SNTG2: variants seen among roughly 807,000 people sequenced by gnomAD.
SNTG2 encodes syntrophin gamma 2.
A neutral mutation model predicts 70.9 loss-of-function variants in SNTG2; 74 were observed. That is an observed-to-expected ratio of 1.04 (90% CI 0.86 to 1.27). The LOEUF is 1.27. Among genes scored for constraint, SNTG2 ranks in the 50% most tolerant of loss-of-function variants. SNTG2 has a pLI of 0.00. For synonymous variants in SNTG2, 278 were observed against 273.8 expected, an observed-to-expected ratio of 1.02 and a Z score of -0.15; for missense variants, 717 against 690.7, an observed-to-expected ratio of 1.04 and a Z score of -0.43.
intron 7 of SNTG2, among the ~76,000 whole-genome samples, chr2:1,169,785 C>T (rs1671002127): frequency 3.9e-5 from 6 of 152,166 alleles, no homozygotes; most frequent in African/African-American, 4.8e-5. Flanking sequence ...CCACCCCACA[C>T]GTCCTCGGGC....
chr2:1,295,618 T>C (rs1572936539), intron 14 of SNTG2, among the ~76,000 whole-genome samples: 1 of 152,118 alleles, frequency 6.6e-6, no homozygotes, highest in East Asian at 1.9e-4. Context: ...TGGCTTCCAC[T>C]GTAGAAGGCT....
chr2:1,134,040 C>T (rs1223876156), intron 4 of SNTG2, among the ~76,000 whole-genome samples: 3 of 151,894 alleles, frequency 2.0e-5, no homozygotes, highest in African/African-American at 4.8e-5. Context: ...AGCTGCAGAC[C>T]TTTGTGGTGA....
chr2:1,179,172 C>T lies in SNTG2; in HGVS notation c.591+5989C>T, dbSNP rs540072958. Among the ~76,000 whole-genome samples, 589 of 152,166 alleles carry T rather than the reference C, an allele frequency of 3.9e-3. 8 individuals carry two copies. The highest frequency in any genetic ancestry group is 3.0e-3 in the Non-Finnish European group (207 of 68,022). Reference sequence around the variant, plus strand: ...ATATCCCTTTTATCATTTTTTATTGCATCTATTTGATTCTTCTCTCTTTTC... The same window carrying T: ...ATATCCCTTTTATCATTTTTTATTGTATCTATTTGATTCTTCTCTCTTTTC... On this transcript the variant is annotated intron_variant, in intron 8 of 16. Coordinates refer to ENST00000308624, the MANE Select transcript of SNTG2 (RefSeq NM_018968.4).
intron 14 of SNTG2, among the ~76,000 whole-genome samples, chr2:1,278,663 A>G (rs1005930957): frequency 3.3e-5 from 5 of 152,196 alleles, no homozygotes; most frequent in African/African-American, 1.2e-4. Flanking sequence ...AGAAATACCA[A>G]TGCTTCTTTC....
At chr2:1,143,026 T>C (rs867358051) in intron 6 of SNTG2, among the ~76,000 whole-genome samples, 1 of 152,130 alleles carries the variant, frequency 6.6e-6, no homozygotes, top group Admixed American at 6.5e-5. Flanking sequence ...TCCTGCTAAA[T>C]TGTTGCCTCA....
rs151267995 is a variant in SNTG2, at chr2:1,202,885, A to G, written c.592-6218A>G. ...AAAACATAATAATTGTAAATATGGT[A>G]TGTACCTTATAACAGAGCTCCCAAA... On this transcript the variant is annotated intron_variant, in intron 8 of 16. Transcript: ENST00000308624. Among the ~76,000 whole-genome samples, 15 of 152,348 alleles carry G rather than the reference A, an allele frequency of 9.8e-5. No homozygotes were observed. In the East Asian group the frequency reaches 2.7e-3, roughly 27 times the overall value.
rs578241633 is a variant in SNTG2 at position 978,193 on chromosome 2, G to A, written c.72+27125G>A. 2.4e-3 allele frequency among the ~76,000 whole-genome samples: 359 copies of A among 152,316 alleles called. 3 individuals are homozygous for A. Among genetic ancestry groups the A allele is most frequent in the African/African-American group, 7.3e-3 (304 of 41,572 alleles). ...GAGGGGCCTGGAGTGCCCTTGCTGAGCTGGGAGATGCAGCTCGTGGTGCAG... is the reference window on the plus strand; with the variant it reads ...GAGGGGCCTGGAGTGCCCTTGCTGAACTGGGAGATGCAGCTCGTGGTGCAG... On this transcript the variant is annotated intron_variant, in intron 1 of 16. Transcript: ENST00000308624.
intron 1 of SNTG2, among the ~76,000 whole-genome samples, chr2:958,856 CT>C (rs1323392569): frequency 6.6e-6 from 1 of 151,970 alleles, no homozygotes; most frequent in Non-Finnish European, 1.5e-5. Flanking sequence ...TCAAACATGC[CT>C]TATGACAGTC....
chr2:1,227,564 G>T (rs1263896967), intron 9 of SNTG2, among the ~76,000 whole-genome samples: 2 of 152,206 alleles, frequency 1.3e-5, no homozygotes, highest in African/African-American at 2.4e-5. Flanking sequence ...TTTCCCCACG[G>T]TATCCACCCT....
chr2:1,122,558 AG>A (rs1427943523), intron 4 of SNTG2, among the ~76,000 whole-genome samples: 1 of 152,176 alleles, frequency 6.6e-6, no homozygotes, highest in African/African-American at 2.4e-5. Context: ...GTTCAGGTAT[AG>A]ACAGCATGTT....
chr2:1,167,302 C>T (rs1670785864), intron 7 of SNTG2, among the ~76,000 whole-genome samples: 2 of 150,160 alleles, frequency 1.3e-5, no homozygotes, highest in Non-Finnish European at 3.0e-5. Flanking sequence ...AGAAGCCACC[C>T]ACAGACGGCA....
At chr2:1,087,171 G>A (rs991304275) in intron 2 of SNTG2, among the ~76,000 whole-genome samples, 3 of 152,198 alleles carry the variant, frequency 2.0e-5, no homozygotes, top group Non-Finnish European at 4.4e-5. Context: ...CAGATAGCAG[G>A]AGGGGTAAAT....
intron 1 of SNTG2, among the ~76,000 whole-genome samples, chr2:991,185 G>A (rs1449234405): frequency 6.6e-6 from 1 of 152,124 alleles, no homozygotes; most frequent in African/African-American, 2.4e-5. Flanking sequence ...CAATTGTGTT[G>A]TTCCATAACT....
At position 1,267,552 on chromosome 2, in the gene SNTG2, T is replaced by C; in HGVS notation, c.1265T>C (p.Met422Thr). Residue 422 changes from methionine to threonine, a missense_variant, in exon 14 of 17, where the codon ATG becomes ACG. Coordinates refer to ENST00000308624, the MANE Select transcript of SNTG2 (RefSeq NM_018968.4). The part of the protein sequence containing the change: ...WEKSFQRATF[M>T]EVQRTGSRTY... ...AAGTCCTTCCAAAGAGCCACGTTCA[T>C]GGAAGTTCAGAGAACCGGGGTAAGT... 1 of 1,613,088 alleles carries C rather than the reference T, an allele frequency of 6.2e-7. No individual in the cohort carries two copies. The highest frequency in any genetic ancestry group is 8.5e-7 in the Non-Finnish European group (1 of 1,179,894).
rs773660296 is a variant in SNTG2 at position 1,247,424 on chromosome 2, A to G, written c.986A>G (p.Tyr329Cys). ...KFLALKGPSF[Y>C]VFSTPPVSTF... ...CTAGCACTGAAGGGCCCGTCCTTCT[A>G]CGTTTTCAGCACTCCTCCGGTAAGG... The change falls in exon 12 of 17, where the codon TAC (tyrosine) becomes TGC (cysteine). Residue 329 changes from tyrosine (Y) to cysteine (C), a missense_variant. Transcript: ENST00000308624. 54 of 1,612,974 alleles carry G rather than the reference A, an allele frequency of 3.3e-5. No individual in the cohort carries two copies. Among genetic ancestry groups the G allele is most frequent in the East Asian group, 4.5e-5 (2 of 44,884 alleles).
At chr2:1,226,311 C>T (rs111987665) in intron 9 of SNTG2, among the ~76,000 whole-genome samples, 117 of 152,318 alleles carry the variant, frequency 7.7e-4, no homozygotes, top group African/African-American at 2.6e-3. Context: ...TTCTCAAAAA[C>T]GGGATGATTG....
chr2:1,273,017 C>G (rs1300787834), intron 14 of SNTG2, among the ~76,000 whole-genome samples: 2 of 152,190 alleles, frequency 1.3e-5, no homozygotes, highest in Non-Finnish European at 2.9e-5. Flanking sequence ...CGCACCATCA[C>G]CATCACCGCG....
At chr2:1,306,550 G>C (rs993352143) in intron 14 of SNTG2, among the ~76,000 whole-genome samples, 16 of 152,228 alleles carry the variant, frequency 1.1e-4, no homozygotes, top group African/African-American at 3.9e-4. Flanking sequence ...AGGAGCGGGG[G>C]GACAGTGGAG....
intron 4 of SNTG2, among the ~76,000 whole-genome samples, chr2:1,099,233 G>T (rs1414451192): frequency 6.7e-6 from 1 of 149,010 alleles, no homozygotes; most frequent in African/African-American, 2.6e-5. Context: ...GGTCCGTGTC[G>T]GGGGGTGGGG....
Sources: gnomAD v4.1 joint callset for allele counts (sites outside exome capture counted in the v4.1 genomes callset) on GRCh38, gnomAD v4.1.1 for gene constraint, MANE v1.5 for transcripts, NCBI Gene and HGNC (gene_info 2026-07-23, HGNC 2026-07-21) for gene names.